Variants in LRBA observed in about 807,000 individuals in gnomAD.
The protein encoded by LRBA is LPS responsive beige-like anchor protein.
LRBA carries 176 observed loss-of-function variants against 330.0 expected under a neutral mutation model. The ratio of observed to expected loss-of-function variants is 0.53; its 90% CI spans 0.47 to 0.60. The LOEUF (loss-of-function observed/expected upper bound fraction) is 0.60. Among genes scored for constraint, LRBA ranks in the 20% least tolerant of loss-of-function variants. The pLI, the probability that LRBA is intolerant of heterozygous loss-of-function variation, is 0.00. For synonymous variants in LRBA, 1,230 were observed against 1,193.0 expected (o/e 1.03, Z -0.64); for missense variants, 3,259 against 3,444.8 (o/e 0.95, Z 1.35).
intron 40 of LRBA, among the ~76,000 whole-genome samples, chr4:150,533,170 T>C (rs942763341): frequency 3.9e-5 from 6 of 152,020 alleles, no homozygotes; most frequent in African/African-American, 1.4e-4. Context: ...AATAAACCCA[T>C]CTTTTTTTGT....
chr4:150,482,355 A>C (rs909670050), intron 42 of LRBA, among the ~76,000 whole-genome samples: 3 of 152,026 alleles, frequency 2.0e-5, no homozygotes, highest in Non-Finnish European at 2.9e-5. Flanking sequence ...GTGTTGTTGC[A>C]TGTATTAGTG....
At chr4:150,684,481 G>A (rs908730616) in intron 36 of LRBA, among the ~76,000 whole-genome samples, 8 of 151,880 alleles carry the variant, frequency 5.3e-5, no homozygotes, top group African/African-American at 1.9e-4. Context: ...TAATTCCCAG[G>A]CAATTTATAT....
At chr4:150,831,740 T>C in intron 29 of LRBA, 77 bp downstream of exon 29, 2 of 1,124,154 alleles carry the variant, frequency 1.8e-6, no homozygotes, top group East Asian at 2.7e-5. Flanking sequence ...TAAATTCCAA[T>C]ATCAATATTT....
chr4:150,937,146 A>G (rs1735160545), intron 2 of LRBA, among the ~76,000 whole-genome samples: 1 of 152,102 alleles, frequency 6.6e-6, no homozygotes, highest in Non-Finnish European at 1.5e-5. Flanking sequence ...ATACTATAAA[A>G]TATGCCTTTC....
At chr4:150,285,006 A>G (rs1377789293) in intron 54 of LRBA, among the ~76,000 whole-genome samples, 3 of 152,238 alleles carry the variant, frequency 2.0e-5, no homozygotes, top group African/African-American at 7.2e-5. Context: ...AGGACGTATG[A>G]AATTATTGAG....
At chr4:150,353,320 C>T (rs777324763) in intron 47 of LRBA, among the ~76,000 whole-genome samples, 1 of 152,040 alleles carries the variant, frequency 6.6e-6, no homozygotes, top group Non-Finnish European at 1.5e-5. Flanking sequence ...TAAACAAACC[C>T]TGCATCCAAG....
chr4:150,463,064 G>A (rs993429437), intron 44 of LRBA, among the ~76,000 whole-genome samples: 1 of 151,868 alleles, frequency 6.6e-6, no homozygotes, highest in Non-Finnish European at 1.5e-5. Flanking sequence ...TATGTGCAAA[G>A]TACAATTTTC....
chr4:150,307,468 A>G (rs2126868272), intron 52 of LRBA, among the ~76,000 whole-genome samples: 1 of 152,172 alleles, frequency 6.6e-6, no homozygotes, highest in South Asian at 2.1e-4. Context: ...AAATATATGG[A>G]AAAACAATAT....
intron 11 of LRBA, 126 bp downstream of exon 11, chr4:150,908,208 C>T (rs1436445359): frequency 4.7e-6 from 4 of 853,914 alleles, no homozygotes; most frequent in African/African-American, 3.6e-5. Flanking sequence ...ACTTGTAATA[C>T]AGTTTATAGT....
At chr4:150,491,071 A>T in intron 40 of LRBA, 36 bp from the exon 41 acceptor site, 2 of 1,026,320 alleles carry the variant, frequency 1.9e-6, no homozygotes, top group Non-Finnish European at 2.9e-6. Context: ...GTAAGTAACA[A>T]TACTTGTTTT....
chr4:150,863,186 T>C (rs1316930961), intron 22 of LRBA, among the ~76,000 whole-genome samples: 3 of 152,088 alleles, frequency 2.0e-5, no homozygotes, highest in African/African-American at 4.8e-5. Context: ...TAGTCCCAGC[T>C]ACTCAGGAGG....
chr4:150,977,234 A>T (rs975756537), intron 2 of LRBA, among the ~76,000 whole-genome samples: 2 of 152,184 alleles, frequency 1.3e-5, no homozygotes, highest in Non-Finnish European at 2.9e-5. Context: ...AGGAGAGGAG[A>T]GTGAAAAGTT....
At chr4:150,670,456 G>C (rs557317854) in intron 37 of LRBA, among the ~76,000 whole-genome samples, 3 of 152,220 alleles carry the variant, frequency 2.0e-5, no homozygotes, top group Non-Finnish European at 2.9e-5. Flanking sequence ...ACCCATTTTT[G>C]AGTACTTCCT....
At chr4:150,439,425 C>T (rs76010622) in intron 44 of LRBA, among the ~76,000 whole-genome samples, 3,939 of 151,978 alleles carry the variant, frequency 0.026, 159 homozygotes, top group African/African-American at 0.09. Context: ...GTTTCTGAAG[C>T]CTGCTATACG....
At chr4:150,469,668 G>T (rs1271558500) in intron 43 of LRBA, among the ~76,000 whole-genome samples, 1 of 151,994 alleles carries the variant, frequency 6.6e-6, no homozygotes, top group Admixed American at 6.6e-5. Context: ...ATAAAATTTA[G>T]AACTTTCAAT....
rs537598680 is a variant in LRBA, at chr4:150,267,420, G to T, written c.8469-1608C>A. On this transcript the variant is annotated intron_variant, in intron 56 of 56. Coordinates refer to ENST00000651943, the MANE Select transcript of LRBA (RefSeq NM_001364905.1). ...ACAAATATGTGGAAAGTAAATAAAT[G>T]ATGAGTCAAAAAAAACAAACAACAA... 2.2e-4 allele frequency among the ~76,000 whole-genome samples: 31 copies of T among 140,294 alleles called. 1 individual carries two copies. The highest frequency in any genetic ancestry group is 3.4e-4 in the Non-Finnish European group (21 of 61,784). The allele number at this position is 140,294 out of a possible 152,430, so 92.0% of individuals were successfully genotyped here.
intron 41 of LRBA, among the ~76,000 whole-genome samples, 171 bp downstream of exon 41, chr4:150,490,747 T>C (rs1164877859): frequency 2.0e-5 from 3 of 151,622 alleles, no homozygotes; most frequent in Non-Finnish European, 4.4e-5. Context: ...CTATTAATAA[T>C]CAAGGTGGGA....
chr4:150,687,210 A>G (rs1466178205), intron 36 of LRBA, among the ~76,000 whole-genome samples: 1 of 152,136 alleles, frequency 6.6e-6, no homozygotes, highest in Non-Finnish European at 1.5e-5. Context: ...TTTAAAAACC[A>G]ATAATAAATC....
chr4:150,886,711 G>C (rs1278921119), intron 17 of LRBA, among the ~76,000 whole-genome samples: 1 of 152,134 alleles, frequency 6.6e-6, no homozygotes, highest in African/African-American at 2.4e-5. Context: ...TTGTCTATTT[G>C]CTAAACAACA....
Sources: allele counts gnomAD v4.1 joint callset (sites outside exome capture counted in the v4.1 genomes callset), GRCh38; gene constraint gnomAD v4.1.1; transcripts MANE v1.5; gene names NCBI Gene and HGNC (gene_info 2026-07-23, HGNC 2026-07-21).